Variants in LYVE1 observed in about 807,000 individuals in gnomAD.
LYVE1 encodes the protein lymphatic vessel endothelial hyaluronic acid receptor 1.
A neutral mutation model predicts 31.5 loss-of-function variants in LYVE1; 29 were observed. That is an observed-to-expected ratio of 0.92 (90% CI 0.69 to 1.26). LYVE1 has a LOEUF of 1.26. LYVE1 is among the 50% of genes most tolerant of loss of function. The pLI, the probability that LYVE1 is intolerant of heterozygous loss-of-function variation, is 0.00. For synonymous variants in LYVE1, 134 were observed against 139.4 expected (o/e 0.96, Z 0.27); for missense variants, 376 against 380.2 (o/e 0.99, Z 0.09).
Position 10,559,233 on chromosome 11 carries a change from C to T in LYVE1, c.847G>A (p.Val283Ile). Reference sequence around the variant, plus strand: ...CTATCATTGGCCTTCTCCTCCTTTACTACTTTGGTTTCGATCATTTCCTTC... The same window carrying T: ...CTATCATTGGCCTTCTCCTCCTTTATTACTTTGGTTTCGATCATTTCCTTC... ...QQKEMIETKVVKEEKANDSNP... is the reference protein window; with the variant it reads ...QQKEMIETKVIKEEKANDSNP... Residue 283 changes from valine (V) to isoleucine (I), a missense_variant, in exon 6 of 6, where the codon GTA becomes ATA. Coordinates refer to ENST00000256178, the MANE Select transcript of LYVE1 (RefSeq NM_006691.4). The T allele has an allele frequency of 6.2e-7, 1 of 1,614,142 alleles. No homozygotes were observed. The highest frequency in any genetic ancestry group is 8.5e-7 in the Non-Finnish European group (1 of 1,180,004).
rs1850358777 is a variant in LYVE1 at position 10,558,756 on chromosome 11, C to G, written c.*355G>C. 5.4e-6 allele frequency: 1 copy of G among 186,144 alleles called. No individual in the cohort carries two copies. The highest frequency in any genetic ancestry group is 2.3e-5 in the African/African-American group (1 of 42,808). The allele number at this position is 186,144 out of a possible 1,614,324, so 11.5% of individuals were successfully genotyped here. A position where few individuals can be genotyped will look rare whatever the true frequency, so the allele number is the denominator to read the frequency against. Reference sequence around the variant, plus strand: ...ACTCCTTGGCTTTCAACCCACCTAGCCTCAGACAGCCAGGAGGCCTTTTTA... The same window carrying G: ...ACTCCTTGGCTTTCAACCCACCTAGGCTCAGACAGCCAGGAGGCCTTTTTA... On this transcript the variant is annotated 3_prime_UTR_variant, in exon 6 of 6. Coordinates refer to ENST00000256178, the MANE Select transcript of LYVE1 (RefSeq NM_006691.4).
rs768331376 is a variant in LYVE1 at position 10,568,491 on chromosome 11, G to A, written c.42C>T (p.Ile14=). The change falls in exon 1 of 6, where the codon ATC becomes ATT. Residue 14 remains isoleucine (I), a synonymous_variant. Coordinates refer to ENST00000256178, the MANE Select transcript of LYVE1 (RefSeq NM_006691.4). ...CFSLVLLLTS[I]WTTRLLVQGS... ...CTTGGACCAGGAGCCTCGTGGTCCA[G>A]ATGGAAGTGAGAAGCAACACCAGGC... 15 of 1,614,096 alleles carry A rather than the reference G, an allele frequency of 9.3e-6. No homozygotes were observed. In the Admixed American group the frequency reaches 2.5e-4, roughly 27 times the overall value.
At chr11:10,559,388 A>T in intron 5 of LYVE1, 91 bp from the exon 6 acceptor site, 1 of 877,222 alleles carries the variant, frequency 1.1e-6, no homozygotes, top group Non-Finnish European at 1.8e-6. Flanking sequence ...GGCACAGTAC[A>T]CTGGATACCT....
At position 10,559,267 on chromosome 11, in the gene LYVE1, C is replaced by T. The variant is rs1392087975; in HGVS notation, c.813G>A (p.Lys271=). 3 of 1,613,846 alleles carry T rather than the reference C, an allele frequency of 1.9e-6. No homozygotes were observed. The highest frequency in any genetic ancestry group is 2.5e-6 in the Non-Finnish European group (3 of 1,179,976). The stretch of plus-strand genomic sequence containing the variant: ...TTTCGATCATTTCCTTCTGCTGATT[C>T]TTGTTTGTAAAAGGGAAGGCCTTCA... ...RYVKAFPFTN[K]NQQKEMIETK... Residue 271 remains lysine, a synonymous_variant, in exon 6 of 6, where the codon AAG becomes AAA. Transcript: ENST00000256178.
At chr11:10,562,460 C>G (rs1850447601) in intron 3 of LYVE1, among the ~76,000 whole-genome samples, 1 of 152,152 alleles carries the variant, frequency 6.6e-6, no homozygotes, top group Admixed American at 6.5e-5. Context: ...TACTTGGATC[C>G]TATATTGCCT....
In LYVE1 at chr11:10,560,541, A is replaced by T. The variant is rs1409554611; in HGVS notation, c.657T>A (p.Phe219Leu). The T allele has an allele frequency of 1.2e-6, 2 of 1,613,294 alleles. No homozygotes were observed. Among genetic ancestry groups the T allele is most frequent in the South Asian group, 2.2e-5 (2 of 90,990 alleles). ...TSTMSTETEP[F>L]VENKAAFKNE... is the part of the protein sequence containing the mutation. ...TCTTGAATGCTGCTTTATTTTCAAC[A>T]AATGGTTCAGTTTCTGTAGACATGG... Residue 219 changes from phenylalanine (F) to leucine (L), a missense_variant, in exon 4 of 6, where the codon TTT (phenylalanine) becomes TTA (leucine). Coordinates refer to ENST00000256178, the MANE Select transcript of LYVE1 (RefSeq NM_006691.4).
Position 10,560,623 on chromosome 11 carries a change from GA to G in LYVE1, c.574del (p.Ser192LeufsTer8). ...AATCAATTTTTTTCTCCGTGGAATA[GA>G]AGTGGAAGCTGGAGCAGGAGGAGTA... ...TTTPPAPAST[S>X]IPRRKKLICV... On this transcript the variant is annotated frameshift_variant, in exon 4 of 6. Coordinates refer to ENST00000256178, the MANE Select transcript of LYVE1 (RefSeq NM_006691.4). LOFTEE classifies it high-confidence loss of function. 6.2e-7 allele frequency: 1 copy of G among 1,614,176 alleles called. No homozygotes were observed. The highest frequency in any genetic ancestry group is 8.5e-7 in the Non-Finnish European group (1 of 1,180,018).
chr11:10,558,863 C>T lies in LYVE1; in HGVS notation c.*248G>A. On this transcript the variant is annotated 3_prime_UTR_variant, in exon 6 of 6. Coordinates refer to ENST00000256178, the MANE Select transcript of LYVE1 (RefSeq NM_006691.4). ...CCAGTGGGATATTATTAGGACATAG[C>T]CAGGCTAGAAAGGCCGTGGGAAGCT... 4.5e-6 allele frequency: 2 copies of T among 447,538 alleles called. No individual in the cohort carries two copies. Among genetic ancestry groups the T allele is most frequent in the South Asian group, 5.5e-5 (1 of 18,318 alleles). 27.7% of individuals were successfully genotyped at this position (447,538 alleles called of 1,614,324 possible).
chr11:10,565,476 T>C (rs754827451), intron 1 of LYVE1, among the ~76,000 whole-genome samples: 1 of 152,216 alleles, frequency 6.6e-6, no homozygotes, highest in Non-Finnish European at 1.5e-5. Flanking sequence ...AAGTAATTGC[T>C]TGTACGCAGC....
intron 1 of LYVE1, among the ~76,000 whole-genome samples, chr11:10,568,216 C>T (rs1850580396): frequency 6.6e-6 from 1 of 152,190 alleles, no homozygotes; most frequent in South Asian, 2.1e-4. Context: ...AAAATGTCCT[C>T]ATTAAAAATA....
chr11:10,562,366 AGTT>A (rs1850444707), intron 3 of LYVE1, among the ~76,000 whole-genome samples: 1 of 152,218 alleles, frequency 6.6e-6, no homozygotes, highest in African/African-American at 2.4e-5. Context: ...TCTGAACTGT[AGTT>A]GTTTCATCCA....
Position 10,558,943 on chromosome 11 carries a change from T to C in LYVE1, c.*168A>G, listed in dbSNP as rs2133999624. 1 of 609,566 alleles carries C rather than the reference T, an allele frequency of 1.6e-6. No homozygotes were observed. 37.8% of individuals were successfully genotyped at this position (609,566 alleles called of 1,614,324 possible). The stretch of plus-strand genomic sequence containing the variant: ...GGTTACAATAAGGAGAAGGGCATTC[T>C]CTTTGGTGCACTCCATAGTCCAATG... On this transcript the variant is annotated 3_prime_UTR_variant, in exon 6 of 6. Coordinates refer to ENST00000256178, the MANE Select transcript of LYVE1 (RefSeq NM_006691.4).
Position 10,558,171 on chromosome 11 carries a change from A to G in LYVE1, c.*940T>C, listed in dbSNP as rs1384875910. ...CCCAGATAGCGTTCTACTATGTGCA[A>G]TTTTTTGAGGAATAATATTCAATTA... On this transcript the variant is annotated 3_prime_UTR_variant, in exon 6 of 6. Transcript: ENST00000256178. The G allele has an allele frequency of 1.3e-5, 2 of 152,192 alleles. No homozygotes were observed. The highest frequency in any genetic ancestry group is 2.9e-5 in the Non-Finnish European group (2 of 68,038). 9.4% of individuals were successfully genotyped at this position (152,192 alleles called of 1,614,324 possible).
At chr11:10,562,349 C>A (rs1029059830) in intron 3 of LYVE1, among the ~76,000 whole-genome samples, 3 of 152,226 alleles carry the variant, frequency 2.0e-5, no homozygotes, top group African/African-American at 7.2e-5. Flanking sequence ...ACAAGCTAAG[C>A]CCGTGTTCTG....
At position 10,558,690 on chromosome 11, in the gene LYVE1, T is replaced by C; in HGVS notation, c.*421A>G. 1 of 158,174 alleles carries C rather than the reference T, an allele frequency of 6.3e-6. No individual in the cohort carries two copies. Among genetic ancestry groups the C allele is most frequent in the East Asian group, 1.8e-4 (1 of 5,408 alleles). The allele number at this position is 158,174 out of a possible 1,614,324, so 9.8% of individuals were successfully genotyped here. ...TTCTCTTTCAGAGCTGAAGAAAGGG[T>C]CTGAGCTGCGGAATCAGTAGAGAAA... On this transcript the variant is annotated 3_prime_UTR_variant, in exon 6 of 6. Coordinates refer to ENST00000256178, the MANE Select transcript of LYVE1 (RefSeq NM_006691.4).
At chr11:10,561,364 C>T (rs1850421157) in intron 3 of LYVE1, among the ~76,000 whole-genome samples, 1 of 152,032 alleles carries the variant, frequency 6.6e-6, no homozygotes, top group Non-Finnish European at 1.5e-5. Context: ...ATAGCACATG[C>T]TCAATAACTA....
rs1564878964 is a variant in LYVE1 at position 10,564,277 on chromosome 11, ACAGGC to A, written c.178_182del (p.Ala60Ter). 6.2e-7 allele frequency: 1 copy of A among 1,614,220 alleles called. No homozygotes were observed. Among genetic ancestry groups the A allele is most frequent in the Non-Finnish European group, 8.5e-7 (1 of 1,180,020 alleles). On this transcript the variant is annotated frameshift_variant, in exon 2 of 6. Coordinates refer to ENST00000256178, the MANE Select transcript of LYVE1 (RefSeq NM_006691.4). LOFTEE classifies it high-confidence loss of function. ...CGGCCAAACTTAGTCCCAGCAGCCT[ACAGGC>A]CTCCTTAGCTTCTGTGAAATTCAGC... is the stretch of plus-strand genomic sequence containing the variant.
rs1850338640 is a variant in LYVE1 at position 10,557,506 on chromosome 11, A to AG, written c.*1604dup. The AG allele has an allele frequency of 6.6e-6, 1 of 152,230 alleles. No homozygotes were observed. Among genetic ancestry groups the AG allele is most frequent in the Non-Finnish European group, 1.5e-5 (1 of 68,040 alleles). 9.4% of individuals were successfully genotyped at this position (152,230 alleles called of 1,614,324 possible). A position where few individuals can be genotyped will look rare whatever the true frequency, so the allele number is the denominator to read the frequency against. ...AGCTGTGGGGTCACTGGTGAGGGGA[A>AG]GAAGACAATTAGCAGTCTAAGCGGG... On this transcript the variant is annotated 3_prime_UTR_variant, in exon 6 of 6. Transcript: ENST00000256178.
At position 10,559,267 on chromosome 11, in the gene LYVE1, C is replaced by G; in HGVS notation, c.813G>C (p.Lys271Asn). ...TTTCGATCATTTCCTTCTGCTGATT[C>G]TTGTTTGTAAAAGGGAAGGCCTTCA... ...RYVKAFPFTN[K>N]NQQKEMIETK... The change falls in exon 6 of 6, where the codon AAG becomes AAC. Residue 271 changes from lysine to asparagine, a missense_variant. By Grantham distance (94) the Lys-to-Asn change is moderately conservative. Coordinates refer to ENST00000256178, the MANE Select transcript of LYVE1 (RefSeq NM_006691.4). The G allele has an allele frequency of 6.2e-7, 1 of 1,613,964 alleles. No individual in the cohort carries two copies. The highest frequency in any genetic ancestry group is 1.1e-5 in the South Asian group (1 of 91,048).
Sources: allele counts gnomAD v4.1 joint callset (sites outside exome capture counted in the v4.1 genomes callset), GRCh38; gene constraint gnomAD v4.1.1; transcripts MANE v1.5; gene names NCBI Gene and HGNC (gene_info 2026-07-23, HGNC 2026-07-21).